The following CDH23 variants were observed in gnomAD, a reference collection of about 807,000 sequenced individuals.
CDH23 encodes the protein cadherin-23.
A neutral mutation model predicts 317.1 loss-of-function variants in CDH23; 189 were observed. The observed-to-expected ratio is 0.60, with a 90% CI of 0.53 to 0.67. The LOEUF (loss-of-function observed/expected upper bound fraction) is 0.67, where lower values mean the gene tolerates loss of function less well. Among genes scored for constraint, CDH23 ranks in the 30% least tolerant of loss-of-function variants. The pLI is 0.00. For synonymous variants in CDH23, 1,839 were observed against 1,876.8 expected, an observed-to-expected ratio of 0.98 and a Z score of 0.52; for missense variants, 4,401 against 4,592.4, an observed-to-expected ratio of 0.96 and a Z score of 1.20.
chr10:71,775,794 T>C (rs183276370), intron 38 of CDH23, among the ~76,000 whole-genome samples: 7 of 152,304 alleles, frequency 4.6e-5, no homozygotes, highest in African/African-American at 1.7e-4. Context: ...TTAAAAATAG[T>C]GGTGAAGGCC....
intron 38 of CDH23, among the ~76,000 whole-genome samples, chr10:71,767,756 G>A (rs796995896): frequency 2.0e-5 from 3 of 152,256 alleles, no homozygotes; most frequent in African/African-American, 7.2e-5. Flanking sequence ...GGGCATCTCA[G>A]ATGTGTTTAT....
intron 6 of CDH23, among the ~76,000 whole-genome samples, chr10:71,529,861 C>T (rs1462827691): frequency 2.6e-5 from 4 of 152,088 alleles, no homozygotes; most frequent in East Asian, 1.9e-4. Context: ...CTAGGACAGG[C>T]CCCTCTCACC....
At chr10:71,808,817 C>A (rs2132992822) in intron 60 of CDH23, among the ~76,000 whole-genome samples, 1 of 152,304 alleles carries the variant, frequency 6.6e-6, no homozygotes, top group African/African-American at 2.4e-5. Flanking sequence ...TGCTTAGCAT[C>A]CCCACGGCCT....
chr10:71,809,877 A>C lies in CDH23; in HGVS notation c.8780A>C (p.Tyr2927Ser). 1 of 1,613,460 alleles carries C rather than the reference A, an allele frequency of 6.2e-7. No individual in the cohort carries two copies. Among genetic ancestry groups the C allele is most frequent in the Admixed American group, 1.7e-5 (1 of 60,034 alleles). The change falls in exon 61 of 70, where the codon TAC becomes TCC. Residue 2927 changes from tyrosine (Y) to serine (S), a missense_variant. Coordinates refer to ENST00000224721, the MANE Select transcript of CDH23 (RefSeq NM_022124.6). Reference protein sequence around the residue: ...FDLFMAYSPGYFVVDIVARDL... With the variant: ...FDLFMAYSPGSFVVDIVARDL... Reference sequence around the variant, plus strand: ...CTCTTCATGGCCTACAGCCCCGGCTACTTCGTGGTGGACATTGTGGCCCGA... The same window carrying C: ...CTCTTCATGGCCTACAGCCCCGGCTCCTTCGTGGTGGACATTGTGGCCCGA...
intron 37 of CDH23, among the ~76,000 whole-genome samples, chr10:71,741,211 C>A (rs774734529): frequency 6.6e-6 from 1 of 152,148 alleles, no homozygotes; most frequent in South Asian, 2.1e-4. Context: ...AGGTTTACCC[C>A]GGGAGCTTGC....
At chr10:71,814,836 G>C (rs1382783231) in intron 69 of CDH23, 116 bp from the exon 70 acceptor site, 7 of 1,212,624 alleles carry the variant, frequency 5.8e-6, no homozygotes, top group Admixed American at 5.7e-5. Flanking sequence ...AGTCTGACAG[G>C]CCTGCTGCGG....
At chr10:71,807,454 G>A (rs1327012836) in intron 58 of CDH23, 48 bp downstream of exon 58, 1 of 1,612,416 alleles carries the variant, frequency 6.2e-7, no homozygotes, top group African/African-American at 1.3e-5. Context: ...GGCTAGAGAT[G>A]ACCCACATAT....
At chr10:71,442,700 A>T (rs1029955993) in intron 2 of CDH23, among the ~76,000 whole-genome samples, 4 of 151,948 alleles carry the variant, frequency 2.6e-5, no homozygotes, top group South Asian at 2.1e-4. Context: ...CCCATCCTAG[A>T]CTGACTAGCC....
At chr10:71,540,382 G>T (rs1319338407) in intron 6 of CDH23, among the ~76,000 whole-genome samples, 1 of 152,074 alleles carries the variant, frequency 6.6e-6, no homozygotes, top group Non-Finnish European at 1.5e-5. Context: ...TGCCTGTATG[G>T]GCCAGTTACT....
At chr10:71,727,282 C>G (rs1866858628) in intron 30 of CDH23, among the ~76,000 whole-genome samples, 1 of 152,202 alleles carries the variant, frequency 6.6e-6, no homozygotes. Flanking sequence ...TTGAGCCTGT[C>G]CCCTTAACCA....
chr10:71,773,512 C>T, intron 38 of CDH23: 4 of 1,445,308 alleles, frequency 2.8e-6, no homozygotes, highest in Non-Finnish European at 3.8e-6. Context: ...GGGGAAGCCT[C>T]CCGCGACTGA....
At chr10:71,782,101 G>A (rs1326346592) in intron 41 of CDH23, among the ~76,000 whole-genome samples, 1 of 152,186 alleles carries the variant, frequency 6.6e-6, no homozygotes, top group Non-Finnish European at 1.5e-5. Flanking sequence ...CTTTCTATAG[G>A]GAGACAGATG....
At chr10:71,742,026 G>A (rs1303157183) in intron 38 of CDH23, 105 bp downstream of exon 38, 8 of 969,244 alleles carry the variant, frequency 8.3e-6, no homozygotes, top group African/African-American at 4.9e-5. Context: ...CACAGCAGGC[G>A]AATCCTTGAC....
intron 32 of CDH23, 37 bp from the exon 33 acceptor site, chr10:71,734,203 G>A (rs368485085): frequency 3.6e-5 from 55 of 1,537,944 alleles, no homozygotes; most frequent in African/African-American, 1.9e-4. Context: ...ACAAGGGTGC[G>A]ATGTTGTCAC....
At chr10:71,548,236 G>T (rs10823782) in intron 6 of CDH23, among the ~76,000 whole-genome samples, 15,338 of 152,202 alleles carry the variant, frequency 0.1, 925 homozygotes, top group African/African-American at 0.17. Context: ...CACATCACAC[G>T]CAGTCATGCG....
chr10:71,495,606 G>A (rs1252976440), intron 3 of CDH23, among the ~76,000 whole-genome samples: 1 of 152,060 alleles, frequency 6.6e-6, no homozygotes, highest in Non-Finnish European at 1.5e-5. Flanking sequence ...GCTGGGGTGG[G>A]AGGATTGCTT....
chr10:71,543,503 A>G (rs573192175), intron 6 of CDH23, among the ~76,000 whole-genome samples: 1 of 152,338 alleles, frequency 6.6e-6, no homozygotes, highest in South Asian at 2.1e-4. Context: ...GGGTGAATAC[A>G]TGCCAAGTGA....
At chr10:71,641,191 T>C (rs1194034861) in intron 11 of CDH23, among the ~76,000 whole-genome samples, 1 of 152,202 alleles carries the variant, frequency 6.6e-6, no homozygotes, top group African/African-American at 2.4e-5. Flanking sequence ...TTCCCAACCC[T>C]GGCTATGCAG....
intron 38 of CDH23, chr10:71,753,809 G>C: frequency 2.2e-6 from 1 of 456,464 alleles, no homozygotes; most frequent in Non-Finnish European, 4.4e-6. Flanking sequence ...AACAAACACA[G>C]GGAAGTTACC....
Sources: gnomAD v4.1 joint callset for allele counts (sites outside exome capture counted in the v4.1 genomes callset) on GRCh38, gnomAD v4.1.1 for gene constraint, MANE v1.5 for transcripts, NCBI Gene and HGNC (gene_info 2026-07-23, HGNC 2026-07-21) for gene names.